KAZN: variants seen among roughly 807,000 people sequenced by gnomAD.
The protein encoded by KAZN is kazrin.
A neutral mutation model predicts 87.4 loss-of-function variants in KAZN; 40 were observed. The ratio of observed to expected loss-of-function variants is 0.46; its 90% confidence interval spans 0.36 to 0.60. The LOEUF (loss-of-function observed/expected upper bound fraction) is 0.60. KAZN is among the 20% of genes least tolerant of loss of function. The pLI is 0.00. For synonymous variants in KAZN, 466 were observed against 458.3 expected (o/e 1.02, Z -0.22); for missense variants, 898 against 1,073.9 (o/e 0.84, Z 2.29).
intron 2 of KAZN, among the ~76,000 whole-genome samples, chr1:14,514,329 A>AAAAAAAATATATATAT (rs373748578): frequency 4.3e-5 from 1 of 23,494 alleles, no homozygotes; most frequent in African/African-American, 1.2e-4. Context: ...TGTCTCAAAA[A>AAAAAAAATATATATAT]ATTTATATAT....
At chr1:14,417,913 G>A (rs529882528) in intron 2 of KAZN, among the ~76,000 whole-genome samples, 3 of 143,898 alleles carry the variant, frequency 2.1e-5, no homozygotes, top group Admixed American at 1.5e-4. Context: ...GGAGAATGGC[G>A]TGAACCCGGG....
At chr1:14,479,904 C>G (rs1402314470) in intron 2 of KAZN, among the ~76,000 whole-genome samples, 1 of 152,122 alleles carries the variant, frequency 6.6e-6, no homozygotes, top group East Asian at 1.9e-4. Context: ...AGCATCTGTT[C>G]AAGATTGTTG....
intron 1 of KAZN, among the ~76,000 whole-genome samples, chr1:13,921,125 T>C (rs1234186641): frequency 6.6e-6 from 1 of 152,224 alleles, no homozygotes; most frequent in African/African-American, 2.4e-5. Flanking sequence ...CAAACTTAGA[T>C]TGCCTTGATT....
At chr1:14,623,734 C>G (rs1678893056) in intron 1 of KAZN, among the ~76,000 whole-genome samples, 1 of 152,054 alleles carries the variant, frequency 6.6e-6, no homozygotes, top group African/African-American at 2.4e-5. Flanking sequence ...GATTTTGATA[C>G]CTTGTATGTT....
chr1:14,304,971 AAGAT>A (rs1654820563), intron 2 of KAZN, among the ~76,000 whole-genome samples: 1 of 151,902 alleles, frequency 6.6e-6, no homozygotes, highest in Non-Finnish European at 1.5e-5. Flanking sequence ...TTTAAATAAG[AAGAT>A]AGATCTATGG....
intron 2 of KAZN, among the ~76,000 whole-genome samples, chr1:14,377,269 C>T (rs1367360454): frequency 1.3e-5 from 2 of 152,160 alleles, no homozygotes; most frequent in East Asian, 1.9e-4. Flanking sequence ...ATCCATCAAT[C>T]GACCATTCCT....
At chr1:15,041,107 C>CA (rs1672847234) in intron 3 of KAZN, among the ~76,000 whole-genome samples, 1 of 145,600 alleles carries the variant, frequency 6.9e-6, no homozygotes, top group South Asian at 2.2e-4. Context: ...CATGCCACCA[C>CA]ACCTGGCGAA....
intron 2 of KAZN, among the ~76,000 whole-genome samples, chr1:14,524,183 G>A (rs1465419911): frequency 1.3e-5 from 2 of 151,960 alleles, no homozygotes; most frequent in Non-Finnish European, 2.9e-5. Context: ...CACCACGCCT[G>A]GGTAATTTTT....
At chr1:14,906,220 C>T (rs968272684) in intron 1 of KAZN, among the ~76,000 whole-genome samples, 1 of 150,678 alleles carries the variant, frequency 6.6e-6, no homozygotes, top group African/African-American at 2.5e-5. Flanking sequence ...AATAATAATA[C>T]AGCACATGGA....
In KAZN at chr1:15,096,471, C is replaced by A. The variant is rs1032952568; in HGVS notation, c.1547+1538C>A. On this transcript the variant is annotated intron_variant, in intron 10 of 14. Transcript: ENST00000376030. This position sits in a 1 kb window ranked among gnomAD's most constrained non-coding sequence, Gnocchi z 4.5. The stretch of plus-strand genomic sequence containing the variant: ...GGTGCGGCCTGCCCAGCCCCTGCCC[C>A]CGACAGCCTCGTCCCCCAGCATGGC... 6.6e-6 allele frequency among the ~76,000 whole-genome samples: 1 copy of A among 152,250 alleles called. No individual in the cohort carries two copies. The highest frequency in any genetic ancestry group is 1.5e-5 in the Non-Finnish European group (1 of 68,044).
chr1:15,098,534 C>T (rs1640897220), intron 10 of KAZN, among the ~76,000 whole-genome samples: 1 of 152,226 alleles, frequency 6.6e-6, no homozygotes, highest in African/African-American at 2.4e-5. Context: ...ATTTGCTGAC[C>T]AAACTCTTGC....
chr1:14,149,053 GC>G (rs1216384562), intron 1 of KAZN, among the ~76,000 whole-genome samples: 1 of 106,078 alleles, frequency 9.4e-6, no homozygotes, highest in East Asian at 2.2e-4. Flanking sequence ...CTGCCTGCCT[GC>G]CTTCCTGCCT....
intron 2 of KAZN, among the ~76,000 whole-genome samples, chr1:14,368,095 G>T (rs1484891119): frequency 6.6e-6 from 1 of 152,132 alleles, no homozygotes; most frequent in East Asian, 1.9e-4. Context: ...CTGCCTGATG[G>T]ATTTTTCTAT....
intron 2 of KAZN, among the ~76,000 whole-genome samples, chr1:14,272,495 A>G (rs537713892): frequency 1.3e-5 from 2 of 152,284 alleles, no homozygotes; most frequent in Admixed American, 6.5e-5. Flanking sequence ...TTCAGCATTC[A>G]TGTTTTGCAT....
chr1:14,396,486 T>A (rs1662912545), intron 2 of KAZN, among the ~76,000 whole-genome samples: 2 of 152,334 alleles, frequency 1.3e-5, no homozygotes, highest in South Asian at 4.1e-4. Flanking sequence ...TTGTGAAAAT[T>A]CTGGAGCATT....
intron 1 of KAZN, among the ~76,000 whole-genome samples, chr1:14,644,525 C>G (rs944599289): frequency 4.0e-5 from 6 of 151,760 alleles, no homozygotes; most frequent in Non-Finnish European, 7.4e-5. Context: ...CCACACCCAG[C>G]TAATTTTTTG....
At chr1:14,301,819 G>T (rs1654574053) in intron 2 of KAZN, among the ~76,000 whole-genome samples, 1 of 152,156 alleles carries the variant, frequency 6.6e-6, no homozygotes, top group Non-Finnish European at 1.5e-5. Flanking sequence ...TCATCTTCCA[G>T]GTCTTGGGCT....
At chr1:14,507,382 G>A (rs930651080) in intron 2 of KAZN, among the ~76,000 whole-genome samples, 5 of 152,060 alleles carry the variant, frequency 3.3e-5, no homozygotes, top group African/African-American at 4.8e-5. Flanking sequence ...ACAGCTGCTC[G>A]GAGAAGTAAA....
At chr1:14,451,928 A>G (rs1388926997) in intron 2 of KAZN, among the ~76,000 whole-genome samples, 1 of 151,528 alleles carries the variant, frequency 6.6e-6, no homozygotes, top group Non-Finnish European at 1.5e-5. Context: ...GATGAGATTA[A>G]CTCTTTTTTG....
Sources: allele counts gnomAD v4.1 joint callset (sites outside exome capture counted in the v4.1 genomes callset), GRCh38; gene constraint gnomAD v4.1.1; non-coding constraint Gnocchi (gnomAD v3.1); transcripts MANE v1.5; gene names NCBI Gene and HGNC (gene_info 2026-07-23, HGNC 2026-07-21).